The following PRELID2 variants were observed in gnomAD, a reference collection of about 807,000 sequenced individuals.
PRELID2 encodes PRELI domain-containing protein 2.
In PRELID2, 25 loss-of-function variants were observed where a neutral mutation model predicts 28.4. That is an observed-to-expected ratio of 0.88 (90% CI 0.64 to 1.23). The LOEUF (loss-of-function observed/expected upper bound fraction) is 1.23, where lower values mean the gene tolerates loss of function less well. Ranked by LOEUF, PRELID2 falls within the 50% of genes most tolerant of loss-of-function variation. The pLI is 0.00. For missense variants in PRELID2, 201 were observed against 214.4 expected (o/e 0.94, Z 0.39); for synonymous variants, 76 against 71.6 (o/e 1.06, Z -0.31).
the PRELID2 span, among the ~76,000 whole-genome samples, chr5:145,429,438 T>C: frequency 6.6e-6 from 1 of 152,130 alleles, no homozygotes; most frequent in Non-Finnish European, 1.5e-5. Context: ...GAGAGGAATA[T>C]GAGGAGTCTA....
chr5:145,811,311 A>G (rs999582399), intron 4 of PRELID2, among the ~76,000 whole-genome samples: 1 of 152,020 alleles, frequency 6.6e-6, no homozygotes, highest in African/African-American at 2.4e-5. Context: ...AAACCATATC[A>G]GGGGTCTTGC....
chr5:145,622,818 C>T (rs1273613499), intron 1 of PRELID2, among the ~76,000 whole-genome samples: 1 of 151,716 alleles, frequency 6.6e-6, no homozygotes, highest in Non-Finnish European at 1.5e-5. Flanking sequence ...GGAAAAGCAG[C>T]ATATAAAAAG....
chr5:145,429,875 AC>A, the PRELID2 span: 3 of 152,192 alleles, frequency 2.0e-5, no homozygotes, highest in Non-Finnish European at 4.4e-5. Flanking sequence ...TCCTGCCACC[AC>A]CACATATGTT....
chr5:145,425,602 G>A, the PRELID2 span, among the ~76,000 whole-genome samples: 16 of 152,290 alleles, frequency 1.1e-4, no homozygotes, highest in South Asian at 3.3e-3. Flanking sequence ...TACGTCCTTT[G>A]TTGGGATGTG....
chr5:145,778,665 G>A (rs1758572752), intron 5 of PRELID2, among the ~76,000 whole-genome samples: 1 of 152,210 alleles, frequency 6.6e-6, no homozygotes, highest in Non-Finnish European at 1.5e-5. Flanking sequence ...CACGGCAGCA[G>A]CTGGTGTGTC....
the PRELID2 span, among the ~76,000 whole-genome samples, chr5:145,285,050 G>C: frequency 6.6e-6 from 1 of 152,010 alleles, no homozygotes; most frequent in Admixed American, 6.6e-5. Flanking sequence ...AGAACACTGG[G>C]GTTTAGAATA....
the PRELID2 span, among the ~76,000 whole-genome samples, chr5:145,276,544 A>C: frequency 5.9e-5 from 9 of 152,130 alleles, no homozygotes; most frequent in Non-Finnish European, 4.4e-5. Context: ...CCTAAGGTTA[A>C]TAGTGTAATC....
intron 1 of PRELID2, among the ~76,000 whole-genome samples, chr5:145,569,674 G>C (rs888806229): frequency 6.6e-6 from 1 of 152,200 alleles, no homozygotes; most frequent in South Asian, 2.1e-4. Context: ...CAGGTTAAGG[G>C]AGAAAGAAAG....
chr5:145,388,049 CAGTT>C, the PRELID2 span, among the ~76,000 whole-genome samples: 377 of 150,676 alleles, frequency 2.5e-3, 1 homozygote, highest in Non-Finnish European at 4.2e-3. Flanking sequence ...GAATTCCAAA[CAGTT>C]AGTAAAAATC....
chr5:145,465,546 C>T, the PRELID2 span, among the ~76,000 whole-genome samples: 31 of 152,226 alleles, frequency 2.0e-4, 1 homozygote, highest in East Asian at 5.2e-3. Flanking sequence ...TTAACTCCGA[C>T]TCTACCCTTA....
intron 1 of PRELID2, among the ~76,000 whole-genome samples, chr5:145,485,102 A>G (rs1752204099): frequency 6.6e-6 from 1 of 152,360 alleles, no homozygotes; most frequent in East Asian, 1.9e-4. Context: ...TCTTTAAGAT[A>G]ACTTCAAACA....
At chr5:145,260,110 G>A in the PRELID2 span, among the ~76,000 whole-genome samples, 1 of 152,108 alleles carries the variant, frequency 6.6e-6, no homozygotes, top group Non-Finnish European at 1.5e-5. Context: ...CATGTAAGAT[G>A]CTTGCTACCC....
At chr5:145,317,893 G>C in the PRELID2 span, among the ~76,000 whole-genome samples, 8 of 152,212 alleles carry the variant, frequency 5.3e-5, no homozygotes, top group East Asian at 1.5e-3. Flanking sequence ...CTAATACAGA[G>C]ATCATCAAAA....
intron 1 of PRELID2, among the ~76,000 whole-genome samples, chr5:145,670,800 G>T (rs183698009): frequency 6.6e-6 from 1 of 152,256 alleles, no homozygotes; most frequent in East Asian, 1.9e-4. Flanking sequence ...GGTGTAGCCT[G>T]ATCTCAGTAG....
the PRELID2 span, among the ~76,000 whole-genome samples, chr5:145,390,095 T>C: frequency 0.047 from 7,080 of 152,228 alleles, 275 homozygotes; most frequent in South Asian, 0.17. Context: ...ATAAACAGAA[T>C]TCTGATGGAG....
intron 1 of PRELID2, among the ~76,000 whole-genome samples, chr5:145,541,579 T>C (rs1209244245): frequency 1.3e-5 from 2 of 152,040 alleles, no homozygotes; most frequent in African/African-American, 4.8e-5. Flanking sequence ...GTGTAGACTG[T>C]TGTATATAGT....
the PRELID2 span, among the ~76,000 whole-genome samples, chr5:145,463,239 C>A: frequency 2.6e-5 from 4 of 151,694 alleles, no homozygotes; most frequent in South Asian, 4.2e-4. Flanking sequence ...TTTGGTCTAA[C>A]CTTTCTTCAC....
the PRELID2 span, among the ~76,000 whole-genome samples, chr5:145,321,836 A>C: frequency 6.6e-6 from 1 of 152,190 alleles, no homozygotes; most frequent in Non-Finnish European, 1.5e-5. Flanking sequence ...TAAAACACTA[A>C]AATGTAATCT....
At chr5:145,351,397 A>C in the PRELID2 span, among the ~76,000 whole-genome samples, 1 of 152,144 alleles carries the variant, frequency 6.6e-6, no homozygotes, top group Admixed American at 6.5e-5. Context: ...TTGCCAAGCA[A>C]AGAGGGAGAA....
Sources: allele counts gnomAD v4.1 joint callset (sites outside exome capture counted in the v4.1 genomes callset), GRCh38; gene constraint gnomAD v4.1.1; transcripts MANE v1.5; gene names NCBI Gene and HGNC (gene_info 2026-07-23, HGNC 2026-07-21).